ADAM12: variants seen among roughly 807,000 people sequenced by gnomAD.
The protein encoded by ADAM12 is ADAM metallopeptidase domain 12.
ADAM12 carries 70 observed loss-of-function variants against 106.4 expected under a neutral mutation model. The observed-to-expected ratio is 0.66, with a 90% CI of 0.54 to 0.80. ADAM12 has a LOEUF of 0.80. Among genes scored for constraint, ADAM12 ranks in the 30% least tolerant of loss-of-function variants. ADAM12 has a pLI of 0.00. For missense variants in ADAM12, 1,010 were observed against 1,171.9 expected, an observed-to-expected ratio of 0.86 and a Z score of 2.02; for synonymous variants, 420 against 433.5, an observed-to-expected ratio of 0.97 and a Z score of 0.39.
chr10:126,174,540 C>T (rs187728594), intron 3 of ADAM12, among the ~76,000 whole-genome samples: 37 of 152,180 alleles, frequency 2.4e-4, no homozygotes, highest in Non-Finnish European at 3.7e-4. Context: ...ACACTATTCC[C>T]GTACCAGACA....
intron 3 of ADAM12, among the ~76,000 whole-genome samples, chr10:126,195,024 T>A (rs190762138): frequency 6.6e-6 from 1 of 152,128 alleles, no homozygotes; most frequent in East Asian, 1.9e-4. Context: ...ATTACGTATC[T>A]GCCTTAAATA....
At chr10:126,182,837 T>C (rs1957337639) in intron 3 of ADAM12, among the ~76,000 whole-genome samples, 1 of 152,212 alleles carries the variant, frequency 6.6e-6, no homozygotes, top group Non-Finnish European at 1.5e-5. Context: ...AAGAGTTAAT[T>C]TTCCCGCCTC....
intron 5 of ADAM12, among the ~76,000 whole-genome samples, chr10:126,131,101 CTTCTTTTTTTTT>C (rs1359982351): frequency 4.4e-5 from 4 of 90,572 alleles, no homozygotes; most frequent in African/African-American, 1.5e-4. Context: ...TCTCAGCTGT[CTTCTTTTTTTTT>C]TTTTTTTTTT....
intron 3 of ADAM12, among the ~76,000 whole-genome samples, chr10:126,245,318 C>T (rs1958607361): frequency 6.6e-6 from 1 of 152,178 alleles, no homozygotes; most frequent in Admixed American, 6.5e-5. Flanking sequence ...GACACATCCC[C>T]CAGAGACGCT....
intron 3 of ADAM12, among the ~76,000 whole-genome samples, chr10:126,208,298 C>A (rs4962517): frequency 6.6e-6 from 1 of 152,230 alleles, no homozygotes; most frequent in Non-Finnish European, 1.5e-5. Context: ...TGTGGGCAGA[C>A]GACAGGGATG....
chr10:126,210,031 T>G (rs1385913017), intron 3 of ADAM12, among the ~76,000 whole-genome samples: 2 of 152,242 alleles, frequency 1.3e-5, no homozygotes, highest in African/African-American at 4.8e-5. Flanking sequence ...GGTACTACGT[T>G]AACTCTCAGG....
chr10:126,343,612 T>C lies in ADAM12; in HGVS notation c.89-13103A>G, dbSNP rs557539990. Among the ~76,000 whole-genome samples, 228 of 152,212 alleles carry C rather than the reference T, an allele frequency of 1.5e-3. 2 individuals are homozygous for C. Among genetic ancestry groups the C allele is most frequent in the African/African-American group, 5.3e-3 (218 of 41,482 alleles). On this transcript the variant is annotated intron_variant, in intron 1 of 22. Coordinates refer to ENST00000448723, the MANE Select transcript of ADAM12 (RefSeq NM_001288973.2). ...CCCTGAGGAATCGCCACACCATCTT[T>C]CACAATGGTTGAACTAGTTTACAGT...
At chr10:126,033,484 T>C (rs1343498879) in intron 21 of ADAM12, among the ~76,000 whole-genome samples, 1 of 152,190 alleles carries the variant, frequency 6.6e-6, no homozygotes, top group East Asian at 1.9e-4. Context: ...TGTGTTTGTG[T>C]GTGTGTGTTC....
chr10:126,263,972 A>C (rs992387133), intron 3 of ADAM12, among the ~76,000 whole-genome samples: 3 of 152,232 alleles, frequency 2.0e-5, no homozygotes, highest in Admixed American at 1.3e-4. Context: ...TTTGCTCCAA[A>C]ATATAAATGA....
At chr10:126,084,190 A>G (rs1955290196) in intron 11 of ADAM12, among the ~76,000 whole-genome samples, 1 of 152,230 alleles carries the variant, frequency 6.6e-6, no homozygotes, top group Non-Finnish European at 1.5e-5. Flanking sequence ...TAAAGTCACC[A>G]ACTGAGCTCT....
intron 8 of ADAM12, among the ~76,000 whole-genome samples, chr10:126,106,726 C>T (rs1254808293): frequency 4.6e-5 from 7 of 152,078 alleles, no homozygotes; most frequent in Non-Finnish European, 5.9e-5. Flanking sequence ...CCTCGTGATC[C>T]GCCCGCCTCG....
chr10:126,149,430 A>C (rs1956689115), intron 4 of ADAM12, among the ~76,000 whole-genome samples: 1 of 152,210 alleles, frequency 6.6e-6, no homozygotes, highest in South Asian at 2.1e-4. Flanking sequence ...AGAAGGGGAA[A>C]AAGTACTGTG....
chr10:126,101,117 A>G lies in ADAM12; in HGVS notation c.866T>C (p.Met289Thr), dbSNP rs750572687. Residue 289 changes from methionine (M) to threonine (T), a missense_variant, in exon 9 of 23, where the codon ATG (methionine) becomes ACG (threonine). Around this residue, in one of 3 missense-constraint regions of ADAM12, gnomAD observed 391 missense variants for 442.9 expected, o/e 0.88. Coordinates refer to ENST00000448723, the MANE Select transcript of ADAM12 (RefSeq NM_001288973.2). ...SLHEFLDWRK[M>T]KLLPRKSHDN... is the part of the protein sequence containing the mutation. ...ATGGGATTTGCGAGGTAGAAGCTTCATCTTCCTCCAGTCCAGAAATTCATG... is the reference window on the plus strand; with the variant it reads ...ATGGGATTTGCGAGGTAGAAGCTTCGTCTTCCTCCAGTCCAGAAATTCATG... 1 of 1,613,930 alleles carries G rather than the reference A, an allele frequency of 6.2e-7. No individual in the cohort carries two copies. The highest frequency in any genetic ancestry group is 8.5e-7 in the Non-Finnish European group (1 of 1,179,898).
chr10:126,234,821 C>T (rs1305908897), intron 3 of ADAM12, among the ~76,000 whole-genome samples: 1 of 152,162 alleles, frequency 6.6e-6, no homozygotes, highest in Non-Finnish European at 1.5e-5. Flanking sequence ...CAGGCAATAA[C>T]CAAGGAAAGC....
chr10:126,098,519 G>A lies in ADAM12; in HGVS notation c.912-19C>T, dbSNP rs756463841. On this transcript the variant is annotated intron_variant, in intron 9 of 22. Coordinates refer to ENST00000448723, the MANE Select transcript of ADAM12 (RefSeq NM_001288973.2). ...AACCCCACTAGGAAATAAAAGAGAG[G>A]ACTTTCTTTAATCAAATTAGAACGG... 7 of 1,593,112 alleles carry A rather than the reference G, an allele frequency of 4.4e-6. No individual in the cohort carries two copies. Among genetic ancestry groups the A allele is most frequent in the East Asian group, 2.2e-5 (1 of 44,780 alleles).
chr10:126,169,695 T>G (rs1674935), intron 3 of ADAM12, among the ~76,000 whole-genome samples: 15,100 of 152,192 alleles, frequency 0.099, 2,154 homozygotes, highest in African/African-American at 0.31. Context: ...AATATATCTG[T>G]TTTTTAGTTC....
intron 9 of ADAM12, among the ~76,000 whole-genome samples, 175 bp downstream of exon 9, chr10:126,100,897 C>T (rs1454173523): frequency 6.6e-6 from 1 of 152,152 alleles, no homozygotes; most frequent in Non-Finnish European, 1.5e-5. Context: ...CCTAGCAGAC[C>T]TTCAGTTCCA....
chr10:126,075,674 T>G (rs1955087095), intron 11 of ADAM12, among the ~76,000 whole-genome samples: 1 of 152,106 alleles, frequency 6.6e-6, no homozygotes, highest in Non-Finnish European at 1.5e-5. Flanking sequence ...AAGGTGTGAG[T>G]GCACCTCGGG....
intron 2 of ADAM12, among the ~76,000 whole-genome samples, chr10:126,288,331 C>A (rs1959976106): frequency 6.6e-6 from 1 of 152,106 alleles, no homozygotes; most frequent in Admixed American, 6.5e-5. Context: ...TACAAATGAC[C>A]AATGAATGCA....
Sources: allele counts gnomAD v4.1 joint callset (sites outside exome capture counted in the v4.1 genomes callset), GRCh38; gene constraint gnomAD v4.1.1; regional missense constraint gnomAD v4.1.1; transcripts MANE v1.5; gene names NCBI Gene and HGNC (gene_info 2026-07-23, HGNC 2026-07-21).